HTR2C: variants seen among roughly 807,000 people sequenced by gnomAD.
HTR2C encodes the protein 5-hydroxytryptamine (serotonin) receptor 2C, G protein-coupled.
HTR2C carries 5 observed loss-of-function variants against 21.0 expected under a neutral mutation model. That is an observed-to-expected ratio of 0.24 (90% CI 0.12 to 0.50). The LOEUF is 0.50. Among genes scored for constraint, HTR2C ranks in the 20% least tolerant of loss-of-function variants. The pLI is 0.98. For missense variants in HTR2C, 271 were observed against 371.2 expected, an observed-to-expected ratio of 0.73 and a Z score of 2.22; for synonymous variants, 150 against 145.3, an observed-to-expected ratio of 1.03 and a Z score of -0.23.
At chrX:114,766,005 G>A (rs2069944723) in intron 4 of HTR2C, among the ~76,000 whole-genome samples, 1 of 111,428 alleles carries the variant, frequency 9.0e-6, no homozygotes, top group African/African-American at 3.3e-5. Flanking sequence ...AAAGACAAAA[G>A]CAAGATAAAT....
Position 114,716,833 on chromosome X carries a change from G to T in HTR2C, c.-79-10025G>T, listed in dbSNP as rs907750020. On this transcript the variant is annotated intron_variant, in intron 2 of 5. Transcript: ENST00000276198. Reference sequence around the variant, plus strand: ...TCCCCCAAAATTATTGTAAATCTGTGCCACATTAATATAATCTTCCCAGGA... The same window carrying T: ...TCCCCCAAAATTATTGTAAATCTGTTCCACATTAATATAATCTTCCCAGGA... Among the ~76,000 whole-genome samples, 6 of 110,890 alleles carry T rather than the reference G, an allele frequency of 5.4e-5. No homozygotes were observed. The Admixed American group carries it at 5.8e-4, about 11-fold the overall frequency.
intron 2 of HTR2C, among the ~76,000 whole-genome samples, chrX:114,615,068 A>G (rs1160134718): frequency 2.7e-5 from 3 of 111,805 alleles, no homozygotes; most frequent in Non-Finnish European, 5.6e-5. Flanking sequence ...TACGCATTAG[A>G]TTAAAGAAGT....
intron 2 of HTR2C, among the ~76,000 whole-genome samples, chrX:114,627,289 T>G (rs1929417968): frequency 9.0e-6 from 1 of 110,870 alleles, no homozygotes; most frequent in Non-Finnish European, 1.9e-5. Context: ...GAATTTCATC[T>G]TTTTCCCCTT....
At chrX:114,858,149 C>A (rs1428340736) in intron 5 of HTR2C, among the ~76,000 whole-genome samples, 2 of 110,871 alleles carry the variant, frequency 1.8e-5, no homozygotes, top group African/African-American at 6.5e-5. Context: ...AGTCTGTCAG[C>A]TGTGTTCTTC....
chrX:114,855,546 C>T (rs2070952787), intron 5 of HTR2C, among the ~76,000 whole-genome samples: 1 of 109,973 alleles, frequency 9.1e-6, no homozygotes, highest in Admixed American at 9.8e-5. Flanking sequence ...TTATCATTGG[C>T]AGCAAATAGC....
intron 4 of HTR2C, among the ~76,000 whole-genome samples, chrX:114,813,251 AG>A (rs1258594756): frequency 1.8e-5 from 2 of 112,152 alleles, no homozygotes; most frequent in African/African-American, 6.5e-5. Flanking sequence ...ATAACAATTT[AG>A]TGGGGGCGAT....
At chrX:114,774,934 TG>T in intron 4 of HTR2C, 1 of 531,154 alleles carries the variant, frequency 1.9e-6, no homozygotes. Context: ...TCCTGCACTC[TG>T]GTACCGCTTG....
chrX:114,694,333 A>G (rs1457956281), intron 2 of HTR2C, among the ~76,000 whole-genome samples: 1 of 109,055 alleles, frequency 9.2e-6, no homozygotes, highest in Non-Finnish European at 1.9e-5. Context: ...TTGTTATTAC[A>G]ATTAATATTT....
chrX:114,722,780 T>C (rs1384245112), intron 2 of HTR2C, among the ~76,000 whole-genome samples: 21 of 107,749 alleles, frequency 1.9e-4, no homozygotes, highest in African/African-American at 7.1e-4. Flanking sequence ...AATCATGTGG[T>C]TTTTGTCTTT....
rs974916802 is a variant in HTR2C at position 114,806,532 on chromosome X, T to C, written c.350-41471T>C. ...ATATATACACCACATATATACACCA[T>C]ATATATACCGTATATATACCATATA... On this transcript the variant is annotated intron_variant, in intron 4 of 5. Transcript: ENST00000276198. Among the ~76,000 whole-genome samples, 19 of 88,180 alleles carry C rather than the reference T, an allele frequency of 2.2e-4. 3 individuals carry two copies. Among genetic ancestry groups the C allele is most frequent in the African/African-American group, 6.6e-4 (16 of 24,228 alleles). The allele number at this position is 88,180 out of a possible 115,157, so 76.6% of individuals were successfully genotyped here.
Position 114,846,820 on chromosome X carries a change from A to T in HTR2C, c.350-1183A>T, listed in dbSNP as rs2070877343. 3.6e-5 allele frequency among the ~76,000 whole-genome samples: 4 copies of T among 112,406 alleles called. No individual in the cohort carries two copies. In the South Asian group the frequency reaches 1.4e-3, roughly 40 times the overall value. On this transcript the variant is annotated intron_variant, in intron 4 of 5. Transcript: ENST00000276198. ...GTAGAGAAATTAGGCAAAGAGAGGAAATAAAAGGCAGAGGAAAATTGGAAA... is the reference window on the plus strand; with the variant it reads ...GTAGAGAAATTAGGCAAAGAGAGGATATAAAAGGCAGAGGAAAATTGGAAA...
At chrX:114,626,404 A>AAAAGAAAAAG (rs200550440) in intron 2 of HTR2C, among the ~76,000 whole-genome samples, 2,097 of 102,054 alleles carry the variant, frequency 0.021, 65 homozygotes, top group African/African-American at 0.068. Flanking sequence ...AAAAAAAAGA[A>AAAAGAAAAAG]AAAAAGAAAG....
rs1425211968 is a variant in HTR2C, at chrX:114,776,595, T to C, written c.349+44988T>C. 45 of 521,180 alleles carry C rather than the reference T, an allele frequency of 8.6e-5. No homozygotes were observed. The Admixed American group carries it at 1.1e-3, about 13-fold the overall frequency. 43.0% of individuals were successfully genotyped at this position (521,180 alleles called of 1,213,427 possible). ...TCAAAAACCGTGTTGGTGGGGTTCA[T>C]TGCAGCTTGATTCTTTGCGGCATCA... On this transcript the variant is annotated intron_variant, in intron 4 of 5. Coordinates refer to ENST00000276198, the MANE Select transcript of HTR2C (RefSeq NM_000868.4).
intron 5 of HTR2C, among the ~76,000 whole-genome samples, chrX:114,903,141 TA>T (rs1329554720): frequency 1.8e-5 from 2 of 111,703 alleles, no homozygotes; most frequent in African/African-American, 6.5e-5. Flanking sequence ...ACTTACCTTT[TA>T]TTTTTTTTTA....
At chrX:114,806,845 A>G (rs937281045) in intron 4 of HTR2C, among the ~76,000 whole-genome samples, 1 of 101,053 alleles carries the variant, frequency 9.9e-6, no homozygotes, top group African/African-American at 3.6e-5. Context: ...ACATATATAC[A>G]CCATATATAT....
intron 4 of HTR2C, among the ~76,000 whole-genome samples, chrX:114,740,946 T>A (rs1556425217): frequency 1.8e-5 from 2 of 111,373 alleles, no homozygotes; most frequent in African/African-American, 6.5e-5. Flanking sequence ...TTGCATAAGG[T>A]AGTTAAAAAT....
At chrX:114,842,310 G>A (rs188692814) in intron 4 of HTR2C, among the ~76,000 whole-genome samples, 40 of 112,357 alleles carry the variant, frequency 3.6e-4, no homozygotes, top group Non-Finnish European at 2.3e-4. Context: ...TGTCTTTTTA[G>A]ACTTCTCTGA....
At chrX:114,746,876 T>C (rs1414719767) in intron 4 of HTR2C, among the ~76,000 whole-genome samples, 3 of 110,756 alleles carry the variant, frequency 2.7e-5, no homozygotes, top group African/African-American at 9.9e-5. Flanking sequence ...TCCCAGCTAC[T>C]TGGGAGGCTG....
At chrX:114,858,658 T>G (rs1283524752) in intron 5 of HTR2C, among the ~76,000 whole-genome samples, 1 of 111,511 alleles carries the variant, frequency 9.0e-6, no homozygotes, top group African/African-American at 3.2e-5. Flanking sequence ...TTCTTTTTCT[T>G]CTATCTTAAA....
Sources: allele counts gnomAD v4.1 joint callset (sites outside exome capture counted in the v4.1 genomes callset), GRCh38; gene constraint gnomAD v4.1.1; transcripts MANE v1.5; gene names NCBI Gene and HGNC (gene_info 2026-07-23, HGNC 2026-07-21).